ERICH1: variants seen among roughly 807,000 people sequenced by gnomAD.
ERICH1 encodes glutamate rich 1.
A neutral mutation model predicts 39.6 loss-of-function variants in ERICH1; 56 were observed. The observed-to-expected ratio is 1.41, with a 90% CI of 1.14 to 1.77. The LOEUF (loss-of-function observed/expected upper bound fraction) is 1.77, where lower values mean the gene tolerates loss of function less well. ERICH1 is among the 40% of genes most tolerant of loss of function. The pLI, the probability that ERICH1 is intolerant of heterozygous loss-of-function variation, is 0.00. For synonymous variants in ERICH1, 313 were observed against 223.6 expected (o/e 1.40, Z -3.57); for missense variants, 826 against 575.4 (o/e 1.44, Z -4.45).
At position 637,826 on chromosome 8, in the gene ERICH1, G is replaced by A. The variant is rs4735810; in HGVS notation, c.977-22542C>T. On this transcript the variant is annotated intron_variant, in intron 3 of 3. Coordinates refer to the ERICH1 transcript ENST00000522706. ...AGTGCTTGCCTGACGTCCAGACCCCGCTGTAGTCACCAGCCGTGCGAGAGC... is the reference window on the plus strand; with the variant it reads ...AGTGCTTGCCTGACGTCCAGACCCCACTGTAGTCACCAGCCGTGCGAGAGC... Among the ~76,000 whole-genome samples the A allele has an allele frequency of 6.5e-4, 99 of 152,162 alleles. 2 individuals are homozygous for A. The South Asian group carries it at 0.017, about 27-fold the overall frequency.
intron 4 of ERICH1, among the ~76,000 whole-genome samples, chr8:672,993 C>T (rs1004920695): frequency 7.2e-5 from 11 of 152,250 alleles, no homozygotes; most frequent in Non-Finnish European, 8.8e-5. Context: ...ATGGAGGACA[C>T]GGGGCCAGCC....
intron 3 of ERICH1, among the ~76,000 whole-genome samples, chr8:677,359 G>A (rs915102112): frequency 1.1e-4 from 16 of 152,186 alleles, no homozygotes; most frequent in African/African-American, 3.4e-4. Flanking sequence ...AGTTCCCACC[G>A]TGTCTTGTTG....
In ERICH1 at chr8:689,488, C is replaced by A. The variant is rs570494309; in HGVS notation, c.304+2990G>T. ...CTGATCAATTCCTGTGTTCCCTGAA[C>A]GAGGCTTTCAGATGCTGGCGGTGCC... On this transcript the variant is annotated intron_variant, in intron 3 of 5. Transcript: ENST00000262109. Among the ~76,000 whole-genome samples, 28 of 152,302 alleles carry A rather than the reference C, an allele frequency of 1.8e-4. No homozygotes were observed. In the South Asian group the frequency reaches 5.2e-3, roughly 28 times the overall value.
chr8:634,182 A>AC (rs749390350), intron 3 of ERICH1, among the ~76,000 whole-genome samples: 5,991 of 141,200 alleles, frequency 0.042, 173 homozygotes, highest in Non-Finnish European at 0.045. Context: ...AAAAAAAAAA[A>AC]AAAACAAACA....
intron 2 of ERICH1, among the ~76,000 whole-genome samples, chr8:708,477 G>C (rs1461996494): frequency 6.6e-6 from 1 of 152,006 alleles, no homozygotes; most frequent in Non-Finnish European, 1.5e-5. Context: ...AAAAAAGAAA[G>C]TTAGTTCTGA....
chr8:679,317 C>T (rs1231639138), intron 3 of ERICH1, among the ~76,000 whole-genome samples: 1 of 150,638 alleles, frequency 6.6e-6, no homozygotes, highest in African/African-American at 2.4e-5. Context: ...CGGCTTCCAC[C>T]CCTCACAGCA....
intron 3 of ERICH1, among the ~76,000 whole-genome samples, chr8:638,504 G>A (rs968593030): frequency 4.6e-5 from 7 of 152,310 alleles, no homozygotes; most frequent in South Asian, 2.1e-4. Context: ...GTCTTGTCAG[G>A]AGGGAACTGA....
At chr8:640,166 C>A (rs1798827704) in intron 3 of ERICH1, among the ~76,000 whole-genome samples, 1 of 152,186 alleles carries the variant, frequency 6.6e-6, no homozygotes, top group Admixed American at 6.5e-5. Context: ...AACCGAGAAA[C>A]TGAGTGGAAT....
intron 3 of ERICH1, among the ~76,000 whole-genome samples, chr8:679,684 C>T (rs896596760): frequency 6.6e-6 from 1 of 152,222 alleles, no homozygotes; most frequent in Non-Finnish European, 1.5e-5. Context: ...TACAAGAACC[C>T]ACAGGCAAGG....
chr8:663,876 C>T (rs1801795943), downstream of ERICH1, among the ~76,000 whole-genome samples: 1 of 152,086 alleles, frequency 6.6e-6, no homozygotes, highest in African/African-American at 2.4e-5. Flanking sequence ...TCTCTTGCCT[C>T]AGCCTCCAGA....
chr8:622,905 C>T (rs781215789), intron 3 of ERICH1, among the ~76,000 whole-genome samples: 4 of 151,818 alleles, frequency 2.6e-5, no homozygotes, highest in Non-Finnish European at 5.9e-5. Flanking sequence ...CTGCAGTGAG[C>T]CATGATTGTA....
rs557877535 is a variant in ERICH1, at chr8:648,115, G to A, written c.976+20483C>T. Among the ~76,000 whole-genome samples the A allele has an allele frequency of 1.7e-3, 118 of 67,474 alleles. 38 individuals carry two copies. The highest frequency in any genetic ancestry group is 4.3e-3 in the African/African-American group (112 of 25,888). 44.3% of individuals were successfully genotyped at this position (67,474 alleles called of 152,430 possible). A position where few individuals can be genotyped will look rare whatever the true frequency, so the allele number is the denominator to read the frequency against. On this transcript the variant is annotated intron_variant, in intron 3 of 3. Coordinates refer to the ERICH1 transcript ENST00000522706. Reference sequence around the variant, plus strand: ...AAAATGTGTGCGCAACTTAGAAACAGGCTGCGAAGAGGCGAGAGGAAGCAA... The same window carrying A: ...AAAATGTGTGCGCAACTTAGAAACAAGCTGCGAAGAGGCGAGAGGAAGCAA...
At chr8:726,344 A>G (rs540096309) in intron 1 of ERICH1, among the ~76,000 whole-genome samples, 1,656 of 152,204 alleles carry the variant, frequency 0.011, 13 homozygotes, top group Non-Finnish European at 0.018. Context: ...CACACAACAC[A>G]CAGGCGCACA....
chr8:673,182 T>C lies in ERICH1; in HGVS notation c.1063+107A>G, dbSNP rs561795031. On this transcript the variant is annotated intron_variant, in intron 4 of 5. Coordinates refer to ENST00000262109, the MANE Select transcript of ERICH1 (RefSeq NM_207332.3). ...TTGCCTTACAACTAATTATTTTACA[T>C]TGAATATTTTTAAAGTATGTTTTAA... 4.1e-5 allele frequency: 54 copies of C among 1,308,626 alleles called. No homozygotes were observed. The South Asian group carries it at 5.6e-4, about 14-fold the overall frequency. The allele number at this position is 1,308,626 out of a possible 1,614,324, so 81.1% of individuals were successfully genotyped here.
intron 4 of ERICH1, among the ~76,000 whole-genome samples, chr8:669,736 T>A (rs1433016022): frequency 6.6e-6 from 1 of 152,228 alleles, no homozygotes; most frequent in Non-Finnish European, 1.5e-5. Context: ...AAAAAAAGAA[T>A]CAGACTGTGG....
At position 647,296 on chromosome 8, in the gene ERICH1, C is replaced by T. The variant is rs531664021; in HGVS notation, c.976+21302G>A. Among the ~76,000 whole-genome samples, 17 of 67,738 alleles carry T rather than the reference C, an allele frequency of 2.5e-4. 7 individuals are homozygous for T. The Middle Eastern group carries it at 0.033, about 133-fold the overall frequency. The allele number at this position is 67,738 out of a possible 152,430, so 44.4% of individuals were successfully genotyped here. On this transcript the variant is annotated intron_variant, in intron 3 of 3. Transcript: ENST00000522706. ...CAACGGTGGCACTGGCGACAAGACG[C>T]GTGAACCTTACCAAGTGGATGCTGA...
chr8:730,648 C>A (rs1177882858), intron 1 of ERICH1, among the ~76,000 whole-genome samples: 3 of 152,180 alleles, frequency 2.0e-5, no homozygotes, highest in Admixed American at 2.0e-4. Context: ...CACTAGGATG[C>A]GCCCCACACC....
At chr8:681,097 G>A (rs894954846) in intron 3 of ERICH1, among the ~76,000 whole-genome samples, 10 of 152,210 alleles carry the variant, frequency 6.6e-5, no homozygotes, top group Non-Finnish European at 2.9e-5. Context: ...CAGACTGGAT[G>A]CATTTGGCAG....
At chr8:652,151 C>A (rs997302126) in intron 3 of ERICH1, among the ~76,000 whole-genome samples, 2 of 152,182 alleles carry the variant, frequency 1.3e-5, no homozygotes, top group South Asian at 2.1e-4. Context: ...CCATGCCACC[C>A]CATCGACGCC....
Sources: allele counts gnomAD v4.1 joint callset (sites outside exome capture counted in the v4.1 genomes callset), GRCh38; gene constraint gnomAD v4.1.1; transcripts MANE v1.5; gene names NCBI Gene and HGNC (gene_info 2026-07-23, HGNC 2026-07-21).